The following A1CF variants were observed in gnomAD, a reference collection of about 807,000 sequenced individuals.
The protein encoded by A1CF is APOBEC1 complementation factor, also known as APOBEC-1 stimulating protein.
A neutral mutation model predicts 68.9 loss-of-function variants in A1CF; 48 were observed. That is an observed-to-expected ratio of 0.70 (90% CI 0.55 to 0.89). A1CF has a LOEUF of 0.89. Ranked by LOEUF, A1CF falls within the 40% of genes least tolerant of loss-of-function variation. The probability of loss-of-function intolerance (pLI) is 0.00; values close to 1 mark genes in which losing one functional copy is unlikely to be tolerated. For missense variants in A1CF, 653 were observed against 718.9 expected (o/e 0.91, Z 1.05); for synonymous variants, 272 against 260.4 (o/e 1.04, Z -0.43).
At chr10:50,809,136 C>A (rs969650147) in intron 12 of A1CF, among the ~76,000 whole-genome samples, 4 of 152,034 alleles carry the variant, frequency 2.6e-5, no homozygotes, top group African/African-American at 9.7e-5. Context: ...GGGTACATAA[C>A]AAATGGGGAC....
At chr10:50,818,102 T>TTTA (rs1385132476) in intron 8 of A1CF, among the ~76,000 whole-genome samples, 4 of 152,176 alleles carry the variant, frequency 2.6e-5, no homozygotes, top group African/African-American at 9.6e-5. Flanking sequence ...TCCCTTACTG[T>TTTA]TCTGCATATG....
At chr10:50,818,279 C>T (rs1008168377) in intron 8 of A1CF, among the ~76,000 whole-genome samples, 2 of 151,928 alleles carry the variant, frequency 1.3e-5, no homozygotes, top group Non-Finnish European at 2.9e-5. Context: ...TGATAATTAT[C>T]GTAGAAAAAA....
rs777262802 is a variant in A1CF at position 50,882,436 on chromosome 10, A to G, written c.-94+3145T>C. 5.9e-5 allele frequency among the ~76,000 whole-genome samples: 9 copies of G among 152,306 alleles called. No individual in the cohort carries two copies. In the Middle Eastern group the frequency reaches 0.014, roughly 230 times the overall value. Reference sequence around the variant, plus strand: ...GCAACAGAACGATACTCCATCTCATACAAACAAACCATCATCAACAACAAA... The same window carrying G: ...GCAACAGAACGATACTCCATCTCATGCAAACAAACCATCATCAACAACAAA... On this transcript the variant is annotated intron_variant, in intron 1 of 12. Coordinates refer to ENST00000373997, the MANE Select transcript of A1CF (RefSeq NM_014576.4).
intron 7 of A1CF, 44 bp downstream of exon 7, chr10:50,828,087 G>A: frequency 6.9e-7 from 1 of 1,441,810 alleles, no homozygotes; most frequent in Non-Finnish European, 9.4e-7. Context: ...ACTAAACCAG[G>A]ACAAAGAATG....
intron 1 of A1CF, among the ~76,000 whole-genome samples, chr10:50,868,822 G>T (rs1353570072): frequency 6.6e-6 from 1 of 152,156 alleles, no homozygotes; most frequent in East Asian, 1.9e-4. Flanking sequence ...CTTACACAGG[G>T]ACAGAACTGA....
At chr10:50,839,413 G>GT (rs1465020650) in intron 5 of A1CF, among the ~76,000 whole-genome samples, 1 of 152,178 alleles carries the variant, frequency 6.6e-6, no homozygotes, top group African/African-American at 2.4e-5. Context: ...GTAGCGTTTT[G>GT]TAGCCCTTTC....
At chr10:50,830,842 C>T (rs1041847759) in intron 6 of A1CF, among the ~76,000 whole-genome samples, 1 of 152,156 alleles carries the variant, frequency 6.6e-6, no homozygotes, top group Non-Finnish European at 1.5e-5. Flanking sequence ...GGGGTCATCA[C>T]ACTACTTGAT....
At chr10:50,862,695 G>A (rs1392824090) in intron 2 of A1CF, among the ~76,000 whole-genome samples, 1 of 152,176 alleles carries the variant, frequency 6.6e-6, no homozygotes, top group Non-Finnish European at 1.5e-5. Context: ...CTTTGCAAAA[G>A]GCAAAACATT....
At position 50,875,280 on chromosome 10, in the gene A1CF, T is replaced by C. The variant is rs570201558; in HGVS notation, c.-94+10301A>G. ...GTATTTATAAATAAAATCCTTGAAG[T>C]ACCTTAAAAAATCTGACTCTTACTA... is the stretch of plus-strand genomic sequence containing the variant. On this transcript the variant is annotated intron_variant, in intron 1 of 12. Transcript: ENST00000373997. 3.4e-5 allele frequency among the ~76,000 whole-genome samples: 5 copies of C among 147,790 alleles called. No individual in the cohort carries two copies. The South Asian group carries it at 1.1e-3, about 32-fold the overall frequency.
chr10:50,820,792 A>G (rs561284653), intron 7 of A1CF, 143 bp from the exon 8 acceptor site: 41 of 545,830 alleles, frequency 7.5e-5, no homozygotes, highest in Admixed American at 1.9e-4. Flanking sequence ...AAGAACATTC[A>G]ACAGAAGATT....
chr10:50,818,249 A>G (rs1838465569), intron 8 of A1CF, among the ~76,000 whole-genome samples: 1 of 152,146 alleles, frequency 6.6e-6, no homozygotes. Context: ...TACTAGGCTA[A>G]TTTTCCTAAA....
At chr10:50,883,928 T>G (rs1312303178) in intron 1 of A1CF, among the ~76,000 whole-genome samples, 4 of 152,226 alleles carry the variant, frequency 2.6e-5, no homozygotes, top group Non-Finnish European at 1.5e-5. Flanking sequence ...ACTGTTATAA[T>G]AGTATCACAC....
At chr10:50,876,761 T>C (rs542924910) in intron 1 of A1CF, among the ~76,000 whole-genome samples, 31 of 152,366 alleles carry the variant, frequency 2.0e-4, no homozygotes, top group Admixed American at 1.6e-3. Flanking sequence ...GGACTCCTGC[T>C]TCTATAATTG....
chr10:50,839,342 G>T (rs1436846576), intron 5 of A1CF, among the ~76,000 whole-genome samples: 3 of 152,146 alleles, frequency 2.0e-5, no homozygotes, highest in Non-Finnish European at 2.9e-5. Context: ...CGATGTCAAG[G>T]TTCCATGAAA....
At position 50,803,583 on chromosome 10, in the gene A1CF, G is replaced by T. The variant is rs1837700705; in HGVS notation, c.*3146C>A. 1 of 152,140 alleles carries T rather than the reference G, an allele frequency of 6.6e-6. No homozygotes were observed. Among genetic ancestry groups the T allele is most frequent in the African/African-American group, 2.4e-5 (1 of 41,440 alleles). The allele number at this position is 152,140 out of a possible 1,614,324, so 9.4% of individuals were successfully genotyped here. On this transcript the variant is annotated 3_prime_UTR_variant, in exon 13 of 13. Transcript: ENST00000373997. The stretch of plus-strand genomic sequence containing the variant: ...CTAGATATACTAATGCAGTGGGAGA[G>T]AAATAAAGCAATTTGAGAAGAGGCA...
chr10:50,825,074 C>G (rs553877061), intron 7 of A1CF, among the ~76,000 whole-genome samples: 3 of 152,106 alleles, frequency 2.0e-5, no homozygotes, highest in Admixed American at 2.0e-4. Flanking sequence ...GTGAATCTTT[C>G]AAAATGGAGC....
intron 1 of A1CF, among the ~76,000 whole-genome samples, chr10:50,884,080 TAA>T (rs1841900292): frequency 6.6e-6 from 1 of 152,246 alleles, no homozygotes; most frequent in Non-Finnish European, 1.5e-5. Context: ...ATAACTTTTC[TAA>T]CACTGTTTCC....
chr10:50,844,259 A>T, intron 3 of A1CF, 137 bp from the exon 4 acceptor site: 1 of 1,272,664 alleles, frequency 7.9e-7, no homozygotes, highest in South Asian at 1.4e-5. Context: ...GGACTGGTTA[A>T]AGGAGAAAAA....
chr10:50,852,398 C>T (rs1262141317), intron 3 of A1CF, among the ~76,000 whole-genome samples: 1 of 152,190 alleles, frequency 6.6e-6, no homozygotes, highest in Non-Finnish European at 1.5e-5. Context: ...CATTTGGAGT[C>T]TTTCACACCA....
Sources: allele counts gnomAD v4.1 joint callset (sites outside exome capture counted in the v4.1 genomes callset), GRCh38; gene constraint gnomAD v4.1.1; transcripts MANE v1.5; gene names NCBI Gene and HGNC (gene_info 2026-07-23, HGNC 2026-07-21).